The following CEP97 variants were observed in gnomAD, a reference collection of about 807,000 sequenced individuals.
The protein encoded by CEP97 is centrosomal protein 97, also known as centrosomal protein of 97 kDa.
Under a neutral mutation model 73.1 loss-of-function variants are expected in CEP97, and 43 were observed. That is an observed-to-expected ratio of 0.59 (90% CI 0.46 to 0.76). CEP97 has a LOEUF of 0.76. Ranked by LOEUF, CEP97 falls within the 30% of genes least tolerant of loss-of-function variation. The probability of loss-of-function intolerance (pLI) is 0.00; values close to 1 mark genes in which losing one functional copy is unlikely to be tolerated. For synonymous variants in CEP97, 337 were observed against 370.0 expected, an observed-to-expected ratio of 0.91 and a Z score of 1.02; for missense variants, 939 against 1,014.0, an observed-to-expected ratio of 0.93 and a Z score of 1.00.
chr3:101,727,440 C>T lies in CEP97; in HGVS notation c.244C>T (p.Leu82Phe). The T allele has an allele frequency of 6.2e-7, 1 of 1,613,866 alleles. No individual in the cohort carries two copies. The highest frequency in any genetic ancestry group is 8.5e-7 in the Non-Finnish European group (1 of 1,179,884). Residue 82 changes from leucine to phenylalanine, a missense_variant, in exon 3 of 11, where the codon CTT (leucine) becomes TTT (phenylalanine). By Grantham distance (22) the Leu-to-Phe change is conservative. Coordinates refer to ENST00000341893, the MANE Select transcript of CEP97 (RefSeq NM_024548.4). Reference sequence around the variant, plus strand: ...GATGGGTGTGGCCAAGCTGACGTTGCTTCGTGTATTAAATTTGCCTCATAA... The same window carrying T: ...GATGGGTGTGGCCAAGCTGACGTTGTTTCGTGTATTAAATTTGCCTCATAA... The part of the protein sequence containing the change: ...RMMGVAKLTL[L>F]RVLNLPHNSI...
intron 8 of CEP97, 29 bp downstream of exon 8, chr3:101,757,225 T>C (rs1197819425): frequency 6.3e-7 from 1 of 1,575,822 alleles, no homozygotes; most frequent in Non-Finnish European, 8.6e-7. Flanking sequence ...TCTGATCCCT[T>C]TTCTCCAAGT....
intron 10 of CEP97, 145 bp downstream of exon 10, chr3:101,762,705 A>G (rs1265091115): frequency 1.5e-5 from 8 of 545,316 alleles, no homozygotes; most frequent in Non-Finnish European, 2.5e-5. Flanking sequence ...CTAACTGTGA[A>G]CTAGGACAGT....
intron 9 of CEP97, among the ~76,000 whole-genome samples, chr3:101,761,211 G>C (rs1227016917): frequency 6.6e-6 from 1 of 152,116 alleles, no homozygotes; most frequent in East Asian, 1.9e-4. Flanking sequence ...AAGGCAGGGG[G>C]GAAGGATCAT....
chr3:101,730,423 G>T (rs1238566809), intron 4 of CEP97, among the ~76,000 whole-genome samples: 1 of 151,586 alleles, frequency 6.6e-6, no homozygotes, highest in South Asian at 2.1e-4. Flanking sequence ...ATGCCACCAC[G>T]CCCAGCTAAT....
intron 4 of CEP97, among the ~76,000 whole-genome samples, chr3:101,730,071 G>A (rs558068583): frequency 6.6e-6 from 1 of 152,212 alleles, no homozygotes; most frequent in East Asian, 1.9e-4. Flanking sequence ...CTCGCAAAGT[G>A]TTGGGATTAC....
chr3:101,737,876 T>G (rs1453660696), intron 6 of CEP97, among the ~76,000 whole-genome samples: 1 of 152,020 alleles, frequency 6.6e-6, no homozygotes, highest in Non-Finnish European at 1.5e-5. Context: ...ATTAGCCCAA[T>G]TAAAAGACAT....
At chr3:101,725,604 G>A (rs1269675838) in intron 1 of CEP97, among the ~76,000 whole-genome samples, 2 of 152,106 alleles carry the variant, frequency 1.3e-5, no homozygotes, top group Non-Finnish European at 2.9e-5. Flanking sequence ...TTTCAGAGGG[G>A]CTCACGACTC....
chr3:101,764,060 G>A (rs932694867), intron 10 of CEP97, among the ~76,000 whole-genome samples: 1 of 152,172 alleles, frequency 6.6e-6, no homozygotes, highest in Non-Finnish European at 1.5e-5. Context: ...GTGCCAGTCT[G>A]GTTTTAGGCT....
intron 10 of CEP97, among the ~76,000 whole-genome samples, chr3:101,763,367 A>G (rs926668938): frequency 6.6e-6 from 1 of 152,192 alleles, no homozygotes; most frequent in African/African-American, 2.4e-5. Flanking sequence ...GTATTCACCA[A>G]CATGGAAAGA....
At chr3:101,740,131 C>G (rs1245409635) in intron 6 of CEP97, among the ~76,000 whole-genome samples, 2 of 152,120 alleles carry the variant, frequency 1.3e-5, no homozygotes, top group Non-Finnish European at 2.9e-5. Flanking sequence ...CCAAGGCAAT[C>G]AGGCAAGAGA....
intron 6 of CEP97, among the ~76,000 whole-genome samples, chr3:101,739,006 C>G (rs543862254): frequency 6.6e-6 from 1 of 152,264 alleles, no homozygotes; most frequent in East Asian, 1.9e-4. Flanking sequence ...CACCGTTGAT[C>G]CCATAGAAAT....
At chr3:101,751,024 T>G (rs1423992370) in intron 6 of CEP97, among the ~76,000 whole-genome samples, 1 of 152,218 alleles carries the variant, frequency 6.6e-6, no homozygotes, top group African/African-American at 2.4e-5. Flanking sequence ...ATTTTGGATC[T>G]TTCCTGCTTT....
At chr3:101,745,350 T>A (rs780270022) in intron 6 of CEP97, among the ~76,000 whole-genome samples, 18 of 152,182 alleles carry the variant, frequency 1.2e-4, no homozygotes, top group Non-Finnish European at 1.8e-4. Flanking sequence ...AGCCTCAACC[T>A]CCCGGGCTCA....
intron 6 of CEP97, among the ~76,000 whole-genome samples, chr3:101,748,926 C>T (rs2107167953): frequency 6.6e-6 from 1 of 152,308 alleles, no homozygotes; most frequent in African/African-American, 2.4e-5. Flanking sequence ...AGGTGTGAGC[C>T]ACTGCGCCCG....
Position 101,732,558 on chromosome 3 carries a change from C to A in CEP97, c.632C>A (p.Thr211Lys). 1 of 1,613,394 alleles carries A rather than the reference C, an allele frequency of 6.2e-7. No homozygotes were observed. The highest frequency in any genetic ancestry group is 8.5e-7 in the Non-Finnish European group (1 of 1,179,318). The stretch of plus-strand genomic sequence containing the variant: ...ATGAACAATCCTTGTGTGATGGCAA[C>A]ACCATCCATCCCAGGATTTGACTAT... ...SIMNNPCVMATPSIPGFDYRP... is the reference protein window; with the variant it reads ...SIMNNPCVMAKPSIPGFDYRP... The change falls in exon 6 of 11, where the codon ACA (threonine) becomes AAA (lysine). Residue 211 changes from threonine to lysine, a missense_variant. Coordinates refer to ENST00000341893, the MANE Select transcript of CEP97 (RefSeq NM_024548.4).
chr3:101,765,770 T>G lies in CEP97; in HGVS notation c.*219T>G. ...CTTAGCTGTAAGGTACCAAACTATT[T>G]ATATTGAAAGCTATATGCACTTTAT... On this transcript the variant is annotated 3_prime_UTR_variant, in exon 11 of 11. Transcript: ENST00000341893. 1 of 484,680 alleles carries G rather than the reference T, an allele frequency of 2.1e-6. No individual in the cohort carries two copies. Among genetic ancestry groups the G allele is most frequent in the East Asian group, 3.4e-5 (1 of 29,040 alleles). The allele number at this position is 484,680 out of a possible 1,614,324, so 30.0% of individuals were successfully genotyped here.
At chr3:101,724,864 C>A in intron 1 of CEP97, 145 bp downstream of exon 1, 1 of 829,390 alleles carries the variant, frequency 1.2e-6, no homozygotes, top group Non-Finnish European at 1.9e-6. Flanking sequence ...GCGGGCTACC[C>A]TCTGGGAGTT....
Position 101,764,995 on chromosome 3 carries a change from A to G in CEP97, c.2042A>G (p.Asp681Gly). Reference protein sequence around the residue: ...SQESSCDQNADWFIASDVAPQ... With the variant: ...SQESSCDQNAGWFIASDVAPQ... The stretch of plus-strand genomic sequence containing the variant: ...GAGTCCTCTTGTGATCAAAATGCTG[A>G]TTGGTTTATTGCTTCTGATGTAGCT... The change falls in exon 11 of 11, where the codon GAT (aspartate) becomes GGT (glycine). Residue 681 changes from aspartate to glycine, a missense_variant. Asp to Gly is a moderately conservative substitution (Grantham distance 94). Coordinates refer to ENST00000341893, the MANE Select transcript of CEP97 (RefSeq NM_024548.4). The G allele has an allele frequency of 1.9e-6, 3 of 1,614,114 alleles. No homozygotes were observed. Among genetic ancestry groups the G allele is most frequent in the Non-Finnish European group, 2.5e-6 (3 of 1,180,020 alleles).
intron 10 of CEP97, among the ~76,000 whole-genome samples, chr3:101,763,481 G>A (rs1041581894): frequency 6.6e-6 from 1 of 151,722 alleles, no homozygotes; most frequent in African/African-American, 2.4e-5. Context: ...AAGCAGCTGG[G>A]ACTACAGGCA....
Sources: allele counts gnomAD v4.1 joint callset (sites outside exome capture counted in the v4.1 genomes callset), GRCh38; gene constraint gnomAD v4.1.1; transcripts MANE v1.5; gene names NCBI Gene and HGNC (gene_info 2026-07-23, HGNC 2026-07-21).